The following MYMK variants were observed in gnomAD, a reference collection of about 807,000 sequenced individuals.
The protein encoded by MYMK is myomaker, myoblast fusion factor.
MYMK carries 16 observed loss-of-function variants against 22.4 expected under a neutral mutation model. The observed-to-expected ratio is 0.72, with a 90% CI of 0.48 to 1.09. MYMK has a LOEUF of 1.09. Among genes scored for constraint, MYMK ranks in the 50% least tolerant of loss-of-function variants. The pLI, the probability that MYMK is intolerant of heterozygous loss-of-function variation, is 0.00. For synonymous variants in MYMK, 125 were observed against 127.0 expected, an observed-to-expected ratio of 0.98 and a Z score of 0.11; for missense variants, 250 against 295.6, an observed-to-expected ratio of 0.85 and a Z score of 1.13.
Position 133,514,915 on chromosome 9 carries a change from C to G in MYMK, c.517-130G>C, listed in dbSNP as rs1381894878. 3 of 1,010,902 alleles carry G rather than the reference C, an allele frequency of 3.0e-6. No individual in the cohort carries two copies. The Admixed American group carries it at 8.3e-5, about 28-fold the overall frequency. The allele number at this position is 1,010,902 out of a possible 1,614,324, so 62.6% of individuals were successfully genotyped here. ...ACTGGGACACCTGCAGGAAGCCTCC[C>G]CCACGGTCGCGCTCACAGTGGTTTT... On this transcript the variant is annotated intron_variant, in intron 4 of 4. Transcript: ENST00000339996.
At chr9:133,518,376 T>C (rs2131069245) in intron 3 of MYMK, among the ~76,000 whole-genome samples, 1 of 152,292 alleles carries the variant, frequency 6.6e-6, no homozygotes, top group East Asian at 1.9e-4. Flanking sequence ...AGAACCAAGC[T>C]CGAGGCTCAC....
chr9:133,521,551 G>A (rs759360152), intron 1 of MYMK, among the ~76,000 whole-genome samples: 27 of 152,174 alleles, frequency 1.8e-4, no homozygotes, highest in Admixed American at 7.9e-4. Flanking sequence ...TGAGGGAGGC[G>A]GCGGTCCTGC....
chr9:133,518,892 G>A lies in MYMK; in HGVS notation c.381C>T (p.Leu127=). The part of the protein sequence containing the change: ...VYSGPIGTAI[L]IIAAKWLQKM... The stretch of plus-strand genomic sequence containing the variant: ...TACGCACCCACTTTGCCGCGATGAT[G>A]AGGATGGCTGTGCCGATGGGGCCCG... Residue 127 remains leucine (L), a synonymous_variant, in exon 3 of 5, where the codon CTC becomes CTT. Transcript: ENST00000339996. 2 of 1,613,156 alleles carry A rather than the reference G, an allele frequency of 1.2e-6. No homozygotes were observed. Among genetic ancestry groups the A allele is most frequent in the East Asian group, 2.2e-5 (1 of 44,870 alleles).
At chr9:133,520,075 G>T in intron 2 of MYMK, 99 bp downstream of exon 2, 2 of 857,556 alleles carry the variant, frequency 2.3e-6, no homozygotes, top group Non-Finnish European at 3.9e-6. Context: ...AGTGAGTGGG[G>T]ATAGAGGGCT....
chr9:133,516,056 ATC>A (rs1306737019), intron 3 of MYMK, among the ~76,000 whole-genome samples: 1 of 152,234 alleles, frequency 6.6e-6, no homozygotes, highest in African/African-American at 2.4e-5. Context: ...ATGGACAAGC[ATC>A]GTTTGCTTTC....
intron 1 of MYMK, among the ~76,000 whole-genome samples, chr9:133,523,832 C>T (rs953066481): frequency 4.0e-5 from 6 of 150,618 alleles, no homozygotes; most frequent in African/African-American, 1.5e-4. Flanking sequence ...CCATGGGGAT[C>T]GAGTTCCAGA....
chr9:133,521,670 G>A (rs543844758), intron 1 of MYMK, among the ~76,000 whole-genome samples: 10 of 152,294 alleles, frequency 6.6e-5, no homozygotes, highest in Middle Eastern at 3.4e-3. Context: ...GGTGACCAGC[G>A]GTGGACATGA....
At position 133,514,610 on chromosome 9, in the gene MYMK, G is replaced by C. The variant is rs1588264002; in HGVS notation, c.*26C>G. On this transcript the variant is annotated 3_prime_UTR_variant, in exon 5 of 5. Coordinates refer to ENST00000339996, the MANE Select transcript of MYMK (RefSeq NM_001080483.3). ...CCAAGTGTGAGCTGGGGAGGGCAGG[G>C]GCTCAGAGCCGGGCTGGGCGCAGCA... 2 of 1,603,994 alleles carry C rather than the reference G, an allele frequency of 1.2e-6. No homozygotes were observed.
chr9:133,520,279 C>T lies in MYMK; in HGVS notation c.145G>A (p.Ala49Thr), dbSNP rs754944582. 2 of 1,613,968 alleles carry T rather than the reference C, an allele frequency of 1.2e-6. No homozygotes were observed. Among genetic ancestry groups the T allele is most frequent in the African/African-American group, 2.7e-5 (2 of 74,936 alleles). Residue 49 changes from alanine to threonine, a missense_variant, in exon 2 of 5, where the codon GCC becomes ACC. Ala to Thr is a moderately conservative substitution (Grantham distance 58). Coordinates refer to ENST00000339996, the MANE Select transcript of MYMK (RefSeq NM_001080483.3). ...ACAGACAAGCCGGGTCCATTGCAGGCATGGTGGAGCTGCCAGAAAACCCAC... is the reference window on the plus strand; with the variant it reads ...ACAGACAAGCCGGGTCCATTGCAGGTATGGTGGAGCTGCCAGAAAACCCAC... ...FTLFFVALHH[A>T]CNGPGLSVLC...
rs1485869044 is a variant in MYMK, at chr9:133,524,772, C to T, written c.73G>A (p.Ala25Thr). 4.3e-6 allele frequency: 7 copies of T among 1,614,132 alleles called. No individual in the cohort carries two copies. Among genetic ancestry groups the T allele is most frequent in the South Asian group, 1.1e-5 (1 of 91,080 alleles). ...TCCATGTGGAACCGCCTCTTGGCCG[C>T]GATGCTGACAGTGGGGAGGAAGGCC... ...SLAFLPTVSI[A>T]AKRRFHMEAM... The change falls in exon 1 of 5, where the codon GCG (alanine) becomes ACG (threonine). Residue 25 changes from alanine to threonine, a missense_variant. Ala to Thr is a moderately conservative substitution (Grantham distance 58). Coordinates refer to ENST00000339996, the MANE Select transcript of MYMK (RefSeq NM_001080483.3).
In MYMK at chr9:133,518,198, C is replaced by T. The variant is rs567457574; in HGVS notation, c.399+676G>A. On this transcript the variant is annotated intron_variant, in intron 3 of 4. Transcript: ENST00000339996. ...CCCTAAGATCCCTCTTTAGCTTGGG[C>T]GAGTTTGAGTGGGGTTTGGTCCCTG... Among the ~76,000 whole-genome samples, 23 of 152,224 alleles carry T rather than the reference C, an allele frequency of 1.5e-4. No homozygotes were observed. The East Asian group carries it at 3.3e-3, about 22-fold the overall frequency.
chr9:133,515,681 A>C lies in MYMK; in HGVS notation c.400-74T>G. 2.0e-6 allele frequency: 2 copies of C among 1,004,494 alleles called. No individual in the cohort carries two copies. Among genetic ancestry groups the C allele is most frequent in the Non-Finnish European group, 3.1e-6 (2 of 636,252 alleles). 62.2% of individuals were successfully genotyped at this position (1,004,494 alleles called of 1,614,324 possible). A position where few individuals can be genotyped will look rare whatever the true frequency, so the allele number is the denominator to read the frequency against. ...GAACGCCCCTCCCCAAACCAGCCCG[A>C]GAGCTGGCCCTGCACAGGCTCACCC... On this transcript the variant is annotated intron_variant, in intron 3 of 4. Transcript: ENST00000339996. The surrounding 1 kb of genome is among the most constrained non-coding windows in gnomAD (Gnocchi z 5.8).
Position 133,524,870 on chromosome 9 carries a change from G to T in MYMK, c.-26C>A. On this transcript the variant is annotated 5_prime_UTR_variant, in exon 1 of 5. Coordinates refer to ENST00000339996, the MANE Select transcript of MYMK (RefSeq NM_001080483.3). ...GGGCCAGGAGGAAAGCACTGGCTGG[G>T]GTGGGGAGGGTGCTGGTGTCCCAGG... 1 of 1,584,052 alleles carries T rather than the reference G, an allele frequency of 6.3e-7. No homozygotes were observed. Among genetic ancestry groups the T allele is most frequent in the Non-Finnish European group, 8.6e-7 (1 of 1,164,872 alleles).
At chr9:133,523,264 C>T (rs1241221350) in intron 1 of MYMK, among the ~76,000 whole-genome samples, 5 of 152,280 alleles carry the variant, frequency 3.3e-5, no homozygotes, top group Non-Finnish European at 1.5e-5. Context: ...GCCTCACCCG[C>T]TCAGGACTCC....
chr9:133,518,346 C>T (rs1051554986), intron 3 of MYMK, among the ~76,000 whole-genome samples: 8 of 152,190 alleles, frequency 5.3e-5, no homozygotes, highest in African/African-American at 1.9e-4. Context: ...CACTGTCATA[C>T]CACACTCTCC....
chr9:133,524,716 G>C lies in MYMK; in HGVS notation c.129C>G (p.Phe43Leu). 1.2e-6 allele frequency: 2 copies of C among 1,614,168 alleles called. No individual in the cohort carries two copies. The highest frequency in any genetic ancestry group is 1.7e-6 in the Non-Finnish European group (2 of 1,180,034). Residue 43 changes from phenylalanine (F) to leucine (L), a missense_variant, in exon 1 of 5, where the codon TTC becomes TTG. By Grantham distance (22) the Phe-to-Leu change is conservative. Transcript: ENST00000339996. ...EAMVYLFTLF[F>L]VALHHACNGP... Reference sequence around the variant, plus strand: ...TCCCAGCCCCCAGACTCACCGCCACGAAGAACAGGGTGAAGAGGTAGACCA... The same window carrying C: ...TCCCAGCCCCCAGACTCACCGCCACCAAGAACAGGGTGAAGAGGTAGACCA...
At chr9:133,517,101 C>A (rs768712093) in intron 3 of MYMK, among the ~76,000 whole-genome samples, 24 of 152,204 alleles carry the variant, frequency 1.6e-4, no homozygotes, top group African/African-American at 5.8e-4. Flanking sequence ...AGTGAATTCT[C>A]TTCTGGGCAA....
chr9:133,516,078 G>A (rs1026843813), intron 3 of MYMK, among the ~76,000 whole-genome samples: 10 of 152,216 alleles, frequency 6.6e-5, no homozygotes, highest in Non-Finnish European at 1.3e-4. Flanking sequence ...CCTAGTTAAA[G>A]GACCTATCTC....
At chr9:133,523,811 G>T (rs538837615) in intron 1 of MYMK, among the ~76,000 whole-genome samples, 5 of 152,034 alleles carry the variant, frequency 3.3e-5, no homozygotes, top group Non-Finnish European at 5.9e-5. Context: ...GAGCTTTAGA[G>T]AGAGTGAATT....
Sources: allele counts gnomAD v4.1 joint callset (sites outside exome capture counted in the v4.1 genomes callset), GRCh38; gene constraint gnomAD v4.1.1; non-coding constraint Gnocchi (gnomAD v3.1); transcripts MANE v1.5; gene names NCBI Gene and HGNC (gene_info 2026-07-23, HGNC 2026-07-21).